The following CTDSPL variants were observed in gnomAD, a reference collection of about 807,000 sequenced individuals.
The protein encoded by CTDSPL is CTD small phosphatase-like protein.
In CTDSPL, 8 loss-of-function variants were observed where a neutral mutation model predicts 30.5. The ratio of observed to expected loss-of-function variants is 0.26; its 90% CI spans 0.15 to 0.47. The LOEUF (loss-of-function observed/expected upper bound fraction) is 0.47, where lower values mean the gene tolerates loss of function less well. Ranked by LOEUF, CTDSPL falls within the 20% of genes least tolerant of loss-of-function variation. The pLI, the probability that CTDSPL is intolerant of heterozygous loss-of-function variation, is 0.99. For synonymous variants in CTDSPL, 110 were observed against 137.9 expected, an observed-to-expected ratio of 0.80 and a Z score of 1.42; for missense variants, 248 against 366.1, an observed-to-expected ratio of 0.68 and a Z score of 2.63.
At chr3:37,936,222 C>T (rs928305252) in intron 1 of CTDSPL, among the ~76,000 whole-genome samples, 3 of 152,090 alleles carry the variant, frequency 2.0e-5, no homozygotes, top group Non-Finnish European at 4.4e-5. Context: ...TTCAAAGGTA[C>T]GTTTCTTTTA....
At chr3:37,902,385 C>G (rs1698460289) in intron 1 of CTDSPL, among the ~76,000 whole-genome samples, 1 of 152,160 alleles carries the variant, frequency 6.6e-6, no homozygotes, top group Non-Finnish European at 1.5e-5. Context: ...TTGTGAAGAT[C>G]TCTAAGGACA....
intron 1 of CTDSPL, among the ~76,000 whole-genome samples, chr3:37,914,683 T>G (rs1296650131): frequency 2.0e-5 from 3 of 152,304 alleles, no homozygotes; most frequent in Non-Finnish European, 4.4e-5. Context: ...CATATACTTT[T>G]CTGGATTTAG....
intron 5 of CTDSPL, chr3:37,968,328 C>A: frequency 2.3e-6 from 1 of 426,748 alleles, no homozygotes; most frequent in South Asian, 1.7e-5. Flanking sequence ...GCATCGTTTT[C>A]TCCAGAGAAT....
intron 1 of CTDSPL, among the ~76,000 whole-genome samples, chr3:37,881,920 G>A (rs1433005286): frequency 6.6e-6 from 1 of 152,164 alleles, no homozygotes; most frequent in African/African-American, 2.4e-5. Context: ...CTGTTTTCTT[G>A]AAATAAATAT....
At chr3:37,920,434 T>G (rs140554528) in intron 1 of CTDSPL, among the ~76,000 whole-genome samples, 2 of 152,308 alleles carry the variant, frequency 1.3e-5, no homozygotes, top group Non-Finnish European at 2.9e-5. Flanking sequence ...GAAACAGTTC[T>G]CCTCCTTTTA....
At chr3:37,934,826 C>T (rs926630899) in intron 1 of CTDSPL, among the ~76,000 whole-genome samples, 1 of 152,128 alleles carries the variant, frequency 6.6e-6, no homozygotes, top group East Asian at 1.9e-4. Context: ...TCTGTGTTTC[C>T]GTCCATATAG....
At chr3:37,914,117 A>C (rs1161699389) in intron 1 of CTDSPL, among the ~76,000 whole-genome samples, 1 of 152,202 alleles carries the variant, frequency 6.6e-6, no homozygotes, top group Non-Finnish European at 1.5e-5. Context: ...TTCTCCAAAT[A>C]ACATTTTAGA....
Position 37,862,460 on chromosome 3 carries a change from T to G in CTDSPL, c.79+182T>G, listed in dbSNP as rs987740301. Reference sequence around the variant, plus strand: ...AGAGTGCGTGTGCCGACTGAGCCAGTGTGAGTGTGCAGGGGCTGGCGGAGA... The same window carrying G: ...AGAGTGCGTGTGCCGACTGAGCCAGGGTGAGTGTGCAGGGGCTGGCGGAGA... On this transcript the variant is annotated intron_variant, in intron 1 of 7. Transcript: ENST00000273179. The surrounding 1 kb of genome is among the most constrained non-coding windows in gnomAD (Gnocchi z 4.3). Among the ~76,000 whole-genome samples the G allele has an allele frequency of 2.6e-5, 4 of 151,950 alleles. No individual in the cohort carries two copies. The East Asian group carries it at 7.7e-4, about 29-fold the overall frequency.
intron 1 of CTDSPL, among the ~76,000 whole-genome samples, chr3:37,919,856 A>G (rs1035562799): frequency 4.6e-5 from 7 of 152,262 alleles, no homozygotes; most frequent in African/African-American, 1.7e-4. Flanking sequence ...AGCCAAGTGA[A>G]AAGCCCACAG....
At chr3:37,869,754 G>T (rs551040565) in intron 1 of CTDSPL, among the ~76,000 whole-genome samples, 1 of 152,208 alleles carries the variant, frequency 6.6e-6, no homozygotes, top group Admixed American at 6.5e-5. Flanking sequence ...TTTTTTAATA[G>T]AAGTCTTTAA....
At chr3:37,925,836 CACAG>C (rs1277664046) in intron 1 of CTDSPL, among the ~76,000 whole-genome samples, 3 of 149,408 alleles carry the variant, frequency 2.0e-5, no homozygotes, top group Admixed American at 6.6e-5. Context: ...CTCCAGTACA[CACAG>C]ACACACACAC....
chr3:37,899,116 C>G (rs549726173), intron 1 of CTDSPL, among the ~76,000 whole-genome samples: 25 of 152,290 alleles, frequency 1.6e-4, no homozygotes, highest in African/African-American at 5.8e-4. Context: ...TGTGGGACTT[C>G]CAGGGAGAAG....
At chr3:37,870,264 T>G (rs1340084147) in intron 1 of CTDSPL, among the ~76,000 whole-genome samples, 1 of 152,122 alleles carries the variant, frequency 6.6e-6, no homozygotes, top group Non-Finnish European at 1.5e-5. Context: ...AATTATCTCT[T>G]TCAGATTGGG....
At chr3:37,878,497 G>A (rs1462810905) in intron 1 of CTDSPL, among the ~76,000 whole-genome samples, 1 of 152,200 alleles carries the variant, frequency 6.6e-6, no homozygotes, top group African/African-American at 2.4e-5. Context: ...ATATATATGT[G>A]TGGGCCTATT....
At chr3:37,869,283 G>A (rs150687960) in intron 1 of CTDSPL, among the ~76,000 whole-genome samples, 262 of 152,066 alleles carry the variant, frequency 1.7e-3, no homozygotes, top group Admixed American at 2.9e-3. Context: ...TGTGTTGGGC[G>A]CATTTATTAT....
At chr3:37,946,425 T>C (rs1338976803) in intron 1 of CTDSPL, among the ~76,000 whole-genome samples, 1 of 152,204 alleles carries the variant, frequency 6.6e-6, no homozygotes, top group Non-Finnish European at 1.5e-5. Flanking sequence ...CTGCTGTTTA[T>C]GTTTTTTAAG....
chr3:37,877,509 C>T (rs1238018905), intron 1 of CTDSPL, among the ~76,000 whole-genome samples: 1 of 152,160 alleles, frequency 6.6e-6, no homozygotes, highest in African/African-American at 2.4e-5. Context: ...GGTTGATGGA[C>T]ACTTGTGTCA....
rs1699365896 is a variant in CTDSPL at position 37,971,426 on chromosome 3, C to T, written c.446C>T (p.Pro149Leu). 1 of 1,614,042 alleles carries T rather than the reference C, an allele frequency of 6.2e-7. No homozygotes were observed. Residue 149 changes from proline to leucine, a missense_variant, in exon 6 of 8, where the codon CCA (proline) becomes CTA (leucine). Pro to Leu is a moderately conservative substitution (Grantham distance 98). Transcript: ENST00000273179. ...TTGCAGGTGTATGTGCTGAAGCGGCCACATGTGGACGAGTTCCTCCAGAGG... is the reference window on the plus strand; with the variant it reads ...TTGCAGGTGTATGTGCTGAAGCGGCTACATGTGGACGAGTTCCTCCAGAGG... ...TIHQVYVLKR[P>L]HVDEFLQRMG...
chr3:37,958,985 A>AT (rs1201501718), intron 3 of CTDSPL, among the ~76,000 whole-genome samples: 7 of 152,302 alleles, frequency 4.6e-5, no homozygotes, highest in Non-Finnish European at 7.4e-5. Flanking sequence ...CAGGTTGCAT[A>AT]AGCAGCGTGG....
Sources: gnomAD v4.1 joint callset for allele counts (sites outside exome capture counted in the v4.1 genomes callset) on GRCh38, gnomAD v4.1.1 for gene constraint, Gnocchi (gnomAD v3.1) non-coding constraint, MANE v1.5 for transcripts, NCBI Gene and HGNC (gene_info 2026-07-23, HGNC 2026-07-21) for gene names.